The following ARHGEF11 variants were observed in gnomAD, a reference collection of about 807,000 sequenced individuals.
ARHGEF11 encodes Rho guanine exchange factor (GEF) 11.
A neutral mutation model predicts 193.7 loss-of-function variants in ARHGEF11; 55 were observed. The observed-to-expected ratio is 0.28, with a 90% CI of 0.23 to 0.36. The LOEUF is 0.36. Among genes scored for constraint, ARHGEF11 ranks in the 10% least tolerant of loss-of-function variants. The pLI, the probability that ARHGEF11 is intolerant of heterozygous loss-of-function variation, is 1.00. For missense variants in ARHGEF11, 1,723 were observed against 2,005.6 expected, an observed-to-expected ratio of 0.86 and a Z score of 2.69; for synonymous variants, 693 against 768.0, an observed-to-expected ratio of 0.90 and a Z score of 1.62.
chr1:157,035,321 A>G (rs1671772008), intron 1 of ARHGEF11, among the ~76,000 whole-genome samples: 1 of 152,118 alleles, frequency 6.6e-6, no homozygotes, highest in Non-Finnish European at 1.5e-5. Flanking sequence ...AGGAGAGTTT[A>G]GGACAATCTG....
intron 1 of ARHGEF11, among the ~76,000 whole-genome samples, chr1:157,000,174 G>A (rs1295986088): frequency 6.6e-6 from 1 of 152,168 alleles, no homozygotes; most frequent in African/African-American, 2.4e-5. Context: ...TGTGGGCCAG[G>A]CTGGTCTCAA....
At chr1:156,998,474 CA>C (rs1666829240) in intron 1 of ARHGEF11, among the ~76,000 whole-genome samples, 1 of 152,194 alleles carries the variant, frequency 6.6e-6, no homozygotes, top group Non-Finnish European at 1.5e-5. Flanking sequence ...GGACTGAGAG[CA>C]AACTATTTTC....
chr1:157,037,483 T>C (rs991028363), intron 1 of ARHGEF11, among the ~76,000 whole-genome samples: 1 of 152,178 alleles, frequency 6.6e-6, no homozygotes, highest in African/African-American at 2.4e-5. Flanking sequence ...TCTACAATAA[T>C]CTTAACACTT....
At chr1:157,030,947 C>T (rs1309659547) in intron 1 of ARHGEF11, among the ~76,000 whole-genome samples, 1 of 151,810 alleles carries the variant, frequency 6.6e-6, no homozygotes, top group Admixed American at 6.6e-5. Flanking sequence ...CCCCCGCCCC[C>T]GCCCTGGCCC....
intron 9 of ARHGEF11, among the ~76,000 whole-genome samples, chr1:156,969,579 C>G (rs1249567339): frequency 1.3e-5 from 2 of 152,218 alleles, no homozygotes; most frequent in Non-Finnish European, 2.9e-5. Flanking sequence ...TGTCTATGCA[C>G]CTGGGCACAG....
intron 1 of ARHGEF11, among the ~76,000 whole-genome samples, chr1:157,043,409 T>C (rs1672997504): frequency 6.6e-6 from 1 of 152,126 alleles, no homozygotes; most frequent in African/African-American, 2.4e-5. Context: ...GCAGACACCT[T>C]ACAAAGTTGT....
chr1:156,995,570 T>C (rs1210372511), intron 1 of ARHGEF11, among the ~76,000 whole-genome samples: 1 of 151,920 alleles, frequency 6.6e-6, no homozygotes, highest in African/African-American at 2.4e-5. Flanking sequence ...TTTTTTTTTT[T>C]TTTGAGACAG....
chr1:156,989,268 A>C (rs1334198297), intron 1 of ARHGEF11, among the ~76,000 whole-genome samples: 4 of 151,974 alleles, frequency 2.6e-5, no homozygotes, highest in Non-Finnish European at 5.9e-5. Flanking sequence ...GTTCTTTATA[A>C]TCGTTTCCCA....
At chr1:156,991,477 G>A (rs775641838) in intron 1 of ARHGEF11, among the ~76,000 whole-genome samples, 4 of 151,552 alleles carry the variant, frequency 2.6e-5, no homozygotes, top group African/African-American at 4.8e-5. Flanking sequence ...ACACCACCAC[G>A]CCTGGCTAAT....
intron 32 of ARHGEF11, 30 bp downstream of exon 32, chr1:156,943,905 C>CA: frequency 6.3e-7 from 1 of 1,590,042 alleles, no homozygotes; most frequent in Non-Finnish European, 8.6e-7. Flanking sequence ...CCCTGAGCCC[C>CA]AGGCCAGCCT....
At chr1:157,027,502 G>C (rs1474785699) in intron 1 of ARHGEF11, among the ~76,000 whole-genome samples, 1 of 152,076 alleles carries the variant, frequency 6.6e-6, no homozygotes, top group Non-Finnish European at 1.5e-5. Flanking sequence ...CATGGTGAGA[G>C]CTATAGGAGA....
chr1:156,949,666 G>A (rs1204738770), intron 22 of ARHGEF11, among the ~76,000 whole-genome samples: 1 of 152,010 alleles, frequency 6.6e-6, no homozygotes, highest in Non-Finnish European at 1.5e-5. Context: ...AGACTAACTC[G>A]GAACACTTTT....
intron 13 of ARHGEF11, among the ~76,000 whole-genome samples, chr1:156,962,855 G>A (rs543956374): frequency 1.4e-5 from 2 of 140,460 alleles, no homozygotes; most frequent in Admixed American, 7.4e-5. Context: ...CTCCAGCCTC[G>A]GCGACAGTGC....
At position 156,945,072 on chromosome 1, in the gene ARHGEF11, G is replaced by A; in HGVS notation, c.2938C>T (p.Leu980=). 6.2e-7 allele frequency: 1 copy of A among 1,614,204 alleles called. No homozygotes were observed. The highest frequency in any genetic ancestry group is 8.5e-7 in the Non-Finnish European group (1 of 1,180,036). The change falls in exon 30 of 41, where the codon CTG becomes TTG. Residue 980 remains leucine (L), a synonymous_variant. Coordinates refer to ENST00000368194, the MANE Select transcript of ARHGEF11 (RefSeq NM_198236.3). The part of the protein sequence containing the change: ...RHRLEGYQKR[L]DATALERASN... ...GCCCTCTCCAGGGCGGTGGCATCCA[G>A]GCGTTTCTGGTAGCCCTCTAAACGG...
chr1:156,943,582 G>C (rs1048704870), intron 32 of ARHGEF11, among the ~76,000 whole-genome samples: 1 of 152,208 alleles, frequency 6.6e-6, no homozygotes, highest in African/African-American at 2.4e-5. Context: ...CTCTGCCCAA[G>C]TCACTCTGTA....
intron 37 of ARHGEF11, chr1:156,939,194 T>C (rs3765788): frequency 0.21 from 61,787 of 294,744 alleles, 8,100 homozygotes; most frequent in African/African-American, 0.42. Flanking sequence ...GAGTGGCTCT[T>C]TTCCCTGGGA....
intron 6 of ARHGEF11, among the ~76,000 whole-genome samples, chr1:156,977,926 GA>G (rs933964150): frequency 6.6e-6 from 1 of 152,192 alleles, no homozygotes; most frequent in Non-Finnish European, 1.5e-5. Context: ...AGCACTTTTA[GA>G]CAGCATCCTT....
At chr1:156,969,865 C>T (rs1286489814) in intron 9 of ARHGEF11, 133 bp downstream of exon 9, 5 of 872,422 alleles carry the variant, frequency 5.7e-6, no homozygotes, top group Non-Finnish European at 9.2e-6. Flanking sequence ...ACTGCTTTCT[C>T]CCATTATTTC....
chr1:157,007,537 G>T (rs1667973670), intron 1 of ARHGEF11, among the ~76,000 whole-genome samples: 2 of 152,140 alleles, frequency 1.3e-5, no homozygotes. Context: ...AGAGTGTCTG[G>T]CACAAAACAG....
Sources: gnomAD v4.1 joint callset for allele counts (sites outside exome capture counted in the v4.1 genomes callset) on GRCh38, gnomAD v4.1.1 for gene constraint, MANE v1.5 for transcripts, NCBI Gene and HGNC (gene_info 2026-07-23, HGNC 2026-07-21) for gene names.